The following ZDHHC20 variants were observed in gnomAD, a reference collection of about 807,000 sequenced individuals.
ZDHHC20 encodes the protein zDHHC palmitoyltransferase 20, also known as palmitoyltransferase ZDHHC20.
A neutral mutation model predicts 57.8 loss-of-function variants in ZDHHC20; 43 were observed. The ratio of observed to expected loss-of-function variants is 0.74; its 90% confidence interval spans 0.58 to 0.96. ZDHHC20 has a LOEUF of 0.96. ZDHHC20 is among the 40% of genes least tolerant of loss of function. The pLI is 0.00. For synonymous variants in ZDHHC20, 157 were observed against 153.0 expected, an observed-to-expected ratio of 1.03 and a Z score of -0.19; for missense variants, 391 against 441.1, an observed-to-expected ratio of 0.89 and a Z score of 1.02.
intron 8 of ZDHHC20, among the ~76,000 whole-genome samples, chr13:21,388,954 G>A (rs1200062813): frequency 6.6e-6 from 1 of 151,938 alleles, no homozygotes; most frequent in African/African-American, 2.4e-5. Flanking sequence ...AAACCAGAAG[G>A]GAAAGAAAAA....
At chr13:21,457,829 C>A (rs1200860949) in intron 1 of ZDHHC20, among the ~76,000 whole-genome samples, 1 of 152,168 alleles carries the variant, frequency 6.6e-6, no homozygotes, top group Non-Finnish European at 1.5e-5. Flanking sequence ...ACAGATTCTT[C>A]TCATTCATAA....
At chr13:21,424,761 T>C (rs1881066574) in intron 2 of ZDHHC20, among the ~76,000 whole-genome samples, 1 of 151,230 alleles carries the variant, frequency 6.6e-6, no homozygotes, top group South Asian at 2.1e-4. Context: ...CCCCAAGAGA[T>C]AATGATTTAA....
At chr13:21,449,235 AT>A (rs1338264881) in intron 1 of ZDHHC20, among the ~76,000 whole-genome samples, 14 of 152,200 alleles carry the variant, frequency 9.2e-5, no homozygotes, top group Admixed American at 9.2e-4. Context: ...ATTAAAAAAA[AT>A]AAATAAATAA....
chr13:21,386,090 G>A (rs371942131), intron 9 of ZDHHC20, among the ~76,000 whole-genome samples: 53 of 152,308 alleles, frequency 3.5e-4, no homozygotes, highest in African/African-American at 1.2e-3. Context: ...ACCAATGGGA[G>A]GGGGACAATC....
intron 4 of ZDHHC20, among the ~76,000 whole-genome samples, chr13:21,405,436 C>T (rs1001447940): frequency 6.6e-6 from 1 of 152,150 alleles, no homozygotes; most frequent in African/African-American, 2.4e-5. Flanking sequence ...ACAAGATAAT[C>T]CCACATCACA....
At chr13:21,451,244 A>G (rs1884412227) in intron 1 of ZDHHC20, among the ~76,000 whole-genome samples, 1 of 152,198 alleles carries the variant, frequency 6.6e-6, no homozygotes, top group Non-Finnish European at 1.5e-5. Context: ...CTTTACCACT[A>G]AAGATTGTGA....
In ZDHHC20 at chr13:21,378,656, CT is replaced by C. The variant is rs1401391787; in HGVS notation, c.*40+4del. ...TATTCAAGGATTACCTTTATACTGTCTTACCTTGCTCTTATTCAAATGGTTA... is the reference window on the plus strand; with the variant it reads ...TATTCAAGGATTACCTTTATACTGTCTACCTTGCTCTTATTCAAATGGTTA... On this transcript the variant is annotated splice_donor_region_variant and intron_variant, in intron 12 of 12. Coordinates refer to ENST00000400590, the MANE Select transcript of ZDHHC20 (RefSeq NM_001330059.2). The C allele has an allele frequency of 7.2e-7, 1 of 1,396,170 alleles. No individual in the cohort carries two copies. Among genetic ancestry groups the C allele is most frequent in the African/African-American group, 1.5e-5 (1 of 68,392 alleles). 86.5% of individuals were successfully genotyped at this position (1,396,170 alleles called of 1,614,324 possible).
intron 1 of ZDHHC20, among the ~76,000 whole-genome samples, chr13:21,454,058 G>A (rs1293484162): frequency 6.6e-6 from 1 of 152,068 alleles, no homozygotes; most frequent in African/African-American, 2.4e-5. Context: ...AGGCATGGTG[G>A]CTCACACCCG....
intron 7 of ZDHHC20, among the ~76,000 whole-genome samples, chr13:21,394,337 A>G (rs1424895222): frequency 1.3e-5 from 2 of 152,082 alleles, no homozygotes; most frequent in East Asian, 3.9e-4. Context: ...CTTAAATCCT[A>G]CCTTCTAAAT....
chr13:21,377,535 GACA>G (rs1872401594), intron 12 of ZDHHC20: 1 of 56,944 alleles, frequency 1.8e-5, no homozygotes, highest in African/African-American at 6.4e-5. Context: ...GACTCTGCCC[GACA>G]TGACCTCCAC....
chr13:21,437,211 A>G (rs878875555), intron 1 of ZDHHC20, among the ~76,000 whole-genome samples: 5 of 152,214 alleles, frequency 3.3e-5, no homozygotes, highest in African/African-American at 1.2e-4. Context: ...GCAGAAGTTG[A>G]TTTATGAGGT....
intron 10 of ZDHHC20, 35 bp downstream of exon 10, chr13:21,382,885 A>G (rs758657229): frequency 1.3e-4 from 200 of 1,510,222 alleles, no homozygotes; most frequent in Non-Finnish European, 1.7e-4. Flanking sequence ...TTGCTTTATG[A>G]TGAATATAGA....
In ZDHHC20 at chr13:21,373,157, A is replaced by T. The variant is rs1396866487; in HGVS notation, c.*3539T>A. The T allele has an allele frequency of 6.6e-6, 1 of 152,212 alleles. No homozygotes were observed. The highest frequency in any genetic ancestry group is 1.5e-5 in the Non-Finnish European group (1 of 68,006). The allele number at this position is 152,212 out of a possible 1,614,324, so 9.4% of individuals were successfully genotyped here. On this transcript the variant is annotated 3_prime_UTR_variant, in exon 13 of 13. Transcript: ENST00000400590. ...GACTTTCTTAATAACAGATTAGTTA[A>T]AAATACTTTCCATTGATAGCAGTGC...
rs1034170596 is a variant in ZDHHC20, at chr13:21,446,096, A to C, written c.118+12958T>G. On this transcript the variant is annotated intron_variant, in intron 1 of 12. Coordinates refer to ENST00000400590, the MANE Select transcript of ZDHHC20 (RefSeq NM_001330059.2). ...GTCAGAAGCAGTGGCAGGCCACAGCATCTAGAGCCTTATATATTTTCAACT... is the reference window on the plus strand; with the variant it reads ...GTCAGAAGCAGTGGCAGGCCACAGCCTCTAGAGCCTTATATATTTTCAACT... 3.9e-5 allele frequency among the ~76,000 whole-genome samples: 6 copies of C among 152,250 alleles called. No individual in the cohort carries two copies. The South Asian group carries it at 1.2e-3, about 31-fold the overall frequency.
Position 21,376,512 on chromosome 13 carries a change from A to T in ZDHHC20, c.*184T>A. 1 of 517,238 alleles carries T rather than the reference A, an allele frequency of 1.9e-6. No homozygotes were observed. Among genetic ancestry groups the T allele is most frequent in the Non-Finnish European group, 3.3e-6 (1 of 307,296 alleles). The allele number at this position is 517,238 out of a possible 1,614,324, so 32.0% of individuals were successfully genotyped here. ...TTAAGGCATCATTCTGCTCTGGAGT[A>T]GTGCTTCTGTGAATCCCAGGAACTG... On this transcript the variant is annotated 3_prime_UTR_variant, in exon 13 of 13. Transcript: ENST00000400590.
chr13:21,399,645 C>A (rs557130789), intron 7 of ZDHHC20, among the ~76,000 whole-genome samples: 1 of 152,092 alleles, frequency 6.6e-6, no homozygotes, highest in Non-Finnish European at 1.5e-5. Context: ...AGCATGTCTC[C>A]CTTCTAAGTG....
intron 1 of ZDHHC20, among the ~76,000 whole-genome samples, chr13:21,441,839 T>C (rs2138009953): frequency 6.6e-6 from 1 of 152,302 alleles, no homozygotes; most frequent in South Asian, 2.1e-4. Context: ...CTTTTCAACA[T>C]ACACTATCAG....
At chr13:21,380,445 G>A (rs536006444) in intron 11 of ZDHHC20, among the ~76,000 whole-genome samples, 1 of 151,960 alleles carries the variant, frequency 6.6e-6, no homozygotes, top group South Asian at 2.1e-4. Flanking sequence ...GGCAGCAAAG[G>A]ATGTAATGCT....
Position 21,374,544 on chromosome 13 carries a change from A to G in ZDHHC20, c.*2152T>C, listed in dbSNP as rs1226647821. On this transcript the variant is annotated 3_prime_UTR_variant, in exon 13 of 13. Transcript: ENST00000400590. ...GCCACCACACCCAGCAATAATTGGTATCTCTTAAATCTCATTCTAGTTTGC... is the reference window on the plus strand; with the variant it reads ...GCCACCACACCCAGCAATAATTGGTGTCTCTTAAATCTCATTCTAGTTTGC... 1 of 351,076 alleles carries G rather than the reference A, an allele frequency of 2.8e-6. No homozygotes were observed. The highest frequency in any genetic ancestry group is 3.1e-5 in the Admixed American group (1 of 32,298). 21.7% of individuals were successfully genotyped at this position (351,076 alleles called of 1,614,324 possible). A position where few individuals can be genotyped will look rare whatever the true frequency, so the allele number is the denominator to read the frequency against.
Sources: gnomAD v4.1 joint callset for allele counts (sites outside exome capture counted in the v4.1 genomes callset) on GRCh38, gnomAD v4.1.1 for gene constraint, MANE v1.5 for transcripts, NCBI Gene and HGNC (gene_info 2026-07-23, HGNC 2026-07-21) for gene names.